Variants in CSMD1 observed in about 807,000 individuals in gnomAD.
The protein encoded by CSMD1 is CUB and sushi domain-containing protein 1.
Under a neutral mutation model 417.5 loss-of-function variants are expected in CSMD1, and 213 were observed. The ratio of observed to expected loss-of-function variants is 0.51; its 90% CI spans 0.46 to 0.57. The LOEUF (loss-of-function observed/expected upper bound fraction) is 0.57, where lower values mean the gene tolerates loss of function less well. CSMD1 is among the 20% of genes least tolerant of loss of function. CSMD1 has a pLI of 0.00. For missense variants in CSMD1, 6,923 were observed against 4,529.7 expected (o/e 1.53, Z -15.17); for synonymous variants, 2,862 against 1,736.8 (o/e 1.65, Z -16.11).
intron 3 of CSMD1, among the ~76,000 whole-genome samples, chr8:4,267,422 G>C (rs2128847583): frequency 2.2e-5 from 1 of 44,876 alleles, no homozygotes; most frequent in South Asian, 1.2e-3. Context: ...AAAATGATAA[G>C]CTTCTACAGC....
At chr8:3,812,983 G>A (rs931985644) in intron 5 of CSMD1, among the ~76,000 whole-genome samples, 1 of 152,010 alleles carries the variant, frequency 6.6e-6, no homozygotes, top group South Asian at 2.1e-4. Context: ...TTTCTTGGGA[G>A]GAAATCTGGA....
At chr8:4,165,839 G>C (rs535457258) in intron 3 of CSMD1, among the ~76,000 whole-genome samples, 1 of 152,170 alleles carries the variant, frequency 6.6e-6, no homozygotes, top group African/African-American at 2.4e-5. Flanking sequence ...AAAACTAATT[G>C]CGTTTTTTGC....
rs563731668 is a variant in CSMD1, at chr8:3,859,300, G to A, written c.819-105258C>T. 9.2e-5 allele frequency among the ~76,000 whole-genome samples: 14 copies of A among 152,274 alleles called. No homozygotes were observed. In the South Asian group the frequency reaches 2.1e-3, roughly 23 times the overall value. On this transcript the variant is annotated intron_variant, in intron 5 of 69. Coordinates refer to ENST00000635120, the MANE Select transcript of CSMD1 (RefSeq NM_033225.6). ...TAGTTTTCCTTCAACACCTATCCAT[G>A]GCAACCTACATTCGCTCGGCCTATT...
intron 1 of CSMD1, among the ~76,000 whole-genome samples, chr8:4,946,501 G>A (rs1808377649): frequency 6.6e-6 from 1 of 152,054 alleles, no homozygotes; most frequent in African/African-American, 2.4e-5. Flanking sequence ...GGTACAATAT[G>A]ACAGCCATCC....
In CSMD1 at chr8:4,228,314, G is replaced by C. The variant is rs545364155; in HGVS notation, c.415+191639C>G. 4.6e-5 allele frequency among the ~76,000 whole-genome samples: 7 copies of C among 152,260 alleles called. No individual in the cohort carries two copies. The South Asian group carries it at 1.5e-3, about 32-fold the overall frequency. ...CTGGCAGTAAAACTCTTTGAAATAG[G>C]TGTTTTATTCTCTGTCTCTAATTCC... is the stretch of plus-strand genomic sequence containing the variant. On this transcript the variant is annotated intron_variant, in intron 3 of 69. Coordinates refer to ENST00000635120, the MANE Select transcript of CSMD1 (RefSeq NM_033225.6).
chr8:4,377,942 C>T (rs1802860498), intron 3 of CSMD1, among the ~76,000 whole-genome samples: 1 of 152,150 alleles, frequency 6.6e-6, no homozygotes, highest in African/African-American at 2.4e-5. Flanking sequence ...AAATGGCCCT[C>T]ATAATATTGA....
intron 3 of CSMD1, among the ~76,000 whole-genome samples, chr8:4,211,397 T>G (rs1009244127): frequency 6.6e-6 from 1 of 152,214 alleles, no homozygotes; most frequent in African/African-American, 2.4e-5. Flanking sequence ...TAAAATTATT[T>G]TACCTAAATC....
chr8:4,763,796 G>T (rs1021775372), intron 1 of CSMD1, among the ~76,000 whole-genome samples: 31 of 152,072 alleles, frequency 2.0e-4, no homozygotes, highest in African/African-American at 7.5e-4. Flanking sequence ...TTATCTAAAA[G>T]ACTGCAATTA....
intron 2 of CSMD1, among the ~76,000 whole-genome samples, chr8:4,462,683 C>G (rs1799908234): frequency 6.6e-6 from 1 of 152,204 alleles, no homozygotes; most frequent in Non-Finnish European, 1.5e-5. Flanking sequence ...ATAAAAACCA[C>G]TGACATTACC....
rs111335776 is a variant in CSMD1 at position 3,238,159 on chromosome 8, A to C, written c.4154-7928T>G. Among the ~76,000 whole-genome samples, 201 of 151,548 alleles carry C rather than the reference A, an allele frequency of 1.3e-3. 1 individual carries two copies. The highest frequency in any genetic ancestry group is 4.8e-3 in the African/African-American group (199 of 41,174). ...GGTACGTAAAGGAAAATTACAGTCAAAGGGGGGTTGTTCTCTGGTGGGCAG... is the reference window on the plus strand; with the variant it reads ...GGTACGTAAAGGAAAATTACAGTCACAGGGGGGTTGTTCTCTGGTGGGCAG... On this transcript the variant is annotated intron_variant, in intron 26 of 69. Transcript: ENST00000635120.
intron 10 of CSMD1, among the ~76,000 whole-genome samples, chr8:3,556,529 CACACACACACACACACA>C (rs1259792092): frequency 8.8e-5 from 13 of 148,530 alleles, no homozygotes; most frequent in African/African-American, 3.3e-4. Flanking sequence ...CACACACACA[CACACACACACACACACA>C]CACACCCTCT....
chr8:3,956,147 T>G (rs530003784), intron 5 of CSMD1, among the ~76,000 whole-genome samples: 1 of 151,666 alleles, frequency 6.6e-6, no homozygotes, highest in South Asian at 2.1e-4. Context: ...GACCAAAATC[T>G]AATAATCTTA....
chr8:4,077,961 G>T (rs1267198336), intron 3 of CSMD1, among the ~76,000 whole-genome samples: 2 of 152,064 alleles, frequency 1.3e-5, no homozygotes, highest in African/African-American at 2.4e-5. Context: ...CGCCCTGCAT[G>T]TGTGTCCCCA....
At chr8:3,336,563 G>T (rs1411053487) in intron 23 of CSMD1, among the ~76,000 whole-genome samples, 1 of 152,166 alleles carries the variant, frequency 6.6e-6, no homozygotes, top group Non-Finnish European at 1.5e-5. Context: ...ACAGAGTAAG[G>T]AACTAGAGGA....
intron 12 of CSMD1, among the ~76,000 whole-genome samples, chr8:3,439,301 ATATATATATTTT>A (rs1363291046): frequency 3.3e-5 from 2 of 61,078 alleles, no homozygotes; most frequent in East Asian, 3.5e-4. Context: ...ATATATATAT[ATATATATATTTT>A]TTTTTTTAAT....
intron 3 of CSMD1, among the ~76,000 whole-genome samples, chr8:4,344,660 G>T (rs13253947): frequency 0.19 from 28,282 of 151,654 alleles, 4,883 homozygotes; most frequent in African/African-American, 0.46. Flanking sequence ...CTCAAGAATT[G>T]AATCAATAAA....
intron 3 of CSMD1, among the ~76,000 whole-genome samples, chr8:4,144,402 T>C (rs1251918305): frequency 1.3e-5 from 2 of 151,186 alleles, no homozygotes; most frequent in African/African-American, 4.9e-5. Flanking sequence ...TCTTTTCTGT[T>C]TTGCCAGGAA....
intron 3 of CSMD1, among the ~76,000 whole-genome samples, chr8:4,284,630 G>T (rs780420669): frequency 2.0e-4 from 30 of 152,070 alleles, no homozygotes; most frequent in Non-Finnish European, 3.8e-4. Flanking sequence ...CACAGCAACT[G>T]TTCTCCAAGG....
intron 3 of CSMD1, among the ~76,000 whole-genome samples, chr8:4,070,026 T>C (rs544784243): frequency 6.6e-6 from 1 of 152,176 alleles, no homozygotes. Context: ...GAATTTTTTT[T>C]AATTAACTTA....
Sources: gnomAD v4.1 joint callset for allele counts (sites outside exome capture counted in the v4.1 genomes callset) on GRCh38, gnomAD v4.1.1 for gene constraint, MANE v1.5 for transcripts, NCBI Gene and HGNC (gene_info 2026-07-23, HGNC 2026-07-21) for gene names.